The following BMPR1B variants were observed in gnomAD, a reference collection of about 807,000 sequenced individuals.
The protein encoded by BMPR1B is bone morphogenetic protein receptor type 1B.
Under a neutral mutation model 59.1 loss-of-function variants are expected in BMPR1B, and 12 were observed. The observed-to-expected ratio is 0.20, with a 90% CI of 0.13 to 0.33. BMPR1B has a LOEUF of 0.33. BMPR1B is among the 10% of genes least tolerant of loss of function. BMPR1B has a pLI of 1.00. For missense variants in BMPR1B, 550 were observed against 610.9 expected (o/e 0.90, Z 1.05); for synonymous variants, 237 against 207.3 (o/e 1.14, Z -1.23).
intron 3 of BMPR1B, among the ~76,000 whole-genome samples, chr4:95,055,133 G>A (rs1216468438): frequency 6.6e-6 from 1 of 152,032 alleles, no homozygotes; most frequent in African/African-American, 2.4e-5. Context: ...ATCAAAACCA[G>A]ACCCAAGTCT....
intron 1 of BMPR1B, among the ~76,000 whole-genome samples, chr4:94,847,635 C>T (rs779396528): frequency 6.6e-6 from 1 of 151,932 alleles, no homozygotes; most frequent in Non-Finnish European, 1.5e-5. Flanking sequence ...TCATTTGCAG[C>T]AACATAGGTG....
At chr4:95,018,597 T>TG in intron 3 of BMPR1B, among the ~76,000 whole-genome samples, 1 of 152,194 alleles carries the variant, frequency 6.6e-6, no homozygotes, top group South Asian at 2.1e-4. Flanking sequence ...TTAAGTATTT[T>TG]GCATCCCTGT....
chr4:95,156,282 G>A lies in BMPR1B; in HGVS notation c.*1609G>A, dbSNP rs1392968989. On this transcript the variant is annotated 3_prime_UTR_variant, in exon 13 of 13. Coordinates refer to ENST00000515059, the MANE Select transcript of BMPR1B (RefSeq NM_001203.3). ...TTTGCTTCTTAGAAATTCTGTTAGT[G>A]GTTAGTAAAGAATTTGAAAGTACTT... is the stretch of plus-strand genomic sequence containing the variant. 6.7e-6 allele frequency: 1 copy of A among 148,610 alleles called. No individual in the cohort carries two copies. 9.2% of individuals were successfully genotyped at this position (148,610 alleles called of 1,614,324 possible).
chr4:94,990,701 T>TTGC (rs908239162), intron 2 of BMPR1B, among the ~76,000 whole-genome samples: 1 of 152,056 alleles, frequency 6.6e-6, no homozygotes, highest in African/African-American at 2.4e-5. Flanking sequence ...GTTGTTGTTG[T>TTGC]TGTTTTTTAT....
At chr4:95,048,518 C>T (rs533581791) in intron 3 of BMPR1B, among the ~76,000 whole-genome samples, 113 of 152,270 alleles carry the variant, frequency 7.4e-4, no homozygotes, top group African/African-American at 2.4e-3. Context: ...GATGGTATTT[C>T]ACTATGGTTT....
chr4:94,885,318 A>T (rs1450952033), intron 2 of BMPR1B, among the ~76,000 whole-genome samples: 1 of 152,204 alleles, frequency 6.6e-6, no homozygotes, highest in African/African-American at 2.4e-5. Flanking sequence ...TGACTAAGTA[A>T]AAAGGAGCAA....
At chr4:94,828,255 T>C (rs1310372732) in intron 1 of BMPR1B, among the ~76,000 whole-genome samples, 1 of 152,182 alleles carries the variant, frequency 6.6e-6, no homozygotes, top group East Asian at 1.9e-4. Flanking sequence ...AAAAGTAGCA[T>C]TGCAAGAAAT....
rs951413071 is a variant in BMPR1B, at chr4:94,986,925, C to A, written c.-112-9115C>A. The stretch of plus-strand genomic sequence containing the variant: ...GCGTGGTGGCGGGTGCCTGTAGTCC[C>A]AGCTACTCGGGAGGCTGAGGCAGGA... On this transcript the variant is annotated intron_variant, in intron 2 of 12. Coordinates refer to ENST00000515059, the MANE Select transcript of BMPR1B (RefSeq NM_001203.3). Among the ~76,000 whole-genome samples the A allele has an allele frequency of 2.0e-5, 3 of 151,186 alleles. No individual in the cohort carries two copies. The South Asian group carries it at 6.2e-4, about 31-fold the overall frequency.
intron 3 of BMPR1B, among the ~76,000 whole-genome samples, chr4:95,002,901 T>G (rs1371318437): frequency 6.6e-6 from 1 of 152,090 alleles, no homozygotes; most frequent in East Asian, 1.9e-4. Context: ...GAATTTGAGT[T>G]ATTACCTTTT....
At chr4:94,940,741 A>G (rs1216626095) in intron 2 of BMPR1B, among the ~76,000 whole-genome samples, 1 of 152,176 alleles carries the variant, frequency 6.6e-6, no homozygotes, top group Non-Finnish European at 1.5e-5. Flanking sequence ...ATGTATTACC[A>G]AGCTCTATTA....
At chr4:95,123,373 A>G (rs1278461077) in intron 6 of BMPR1B, among the ~76,000 whole-genome samples, 1 of 152,124 alleles carries the variant, frequency 6.6e-6, no homozygotes, top group Admixed American at 6.6e-5. Flanking sequence ...GTTATGTTTT[A>G]TGTCCCATGA....
chr4:94,872,193 T>C (rs2148968675), intron 1 of BMPR1B, among the ~76,000 whole-genome samples: 1 of 152,314 alleles, frequency 6.6e-6, no homozygotes, highest in South Asian at 2.1e-4. Context: ...TTTTAAAATC[T>C]TTTAGCTTCT....
chr4:95,035,945 T>C (rs1725210834), intron 3 of BMPR1B, among the ~76,000 whole-genome samples: 1 of 152,214 alleles, frequency 6.6e-6, no homozygotes, highest in Non-Finnish European at 1.5e-5. Context: ...CTGTGTCATC[T>C]ATGATTTTTT....
At chr4:94,789,412 A>G (rs966244266) in intron 1 of BMPR1B, among the ~76,000 whole-genome samples, 3 of 152,150 alleles carry the variant, frequency 2.0e-5, no homozygotes, top group African/African-American at 4.8e-5. Context: ...CCTCATCTTC[A>G]AGGTTCTCAT....
chr4:94,868,269 A>G (rs1726329943), intron 1 of BMPR1B, among the ~76,000 whole-genome samples: 1 of 150,648 alleles, frequency 6.6e-6, no homozygotes, highest in Non-Finnish European at 1.5e-5. Flanking sequence ...CCCAGGCTCA[A>G]GTGATTCTCC....
intron 2 of BMPR1B, among the ~76,000 whole-genome samples, chr4:94,889,845 G>A (rs541924442): frequency 1.6e-4 from 24 of 152,100 alleles, no homozygotes; most frequent in Admixed American, 8.5e-4. Context: ...ACAAGATTTA[G>A]GAGGAGGAGG....
chr4:94,956,292 A>G (rs1444630178), intron 2 of BMPR1B, among the ~76,000 whole-genome samples: 1 of 151,978 alleles, frequency 6.6e-6, no homozygotes, highest in African/African-American at 2.4e-5. Flanking sequence ...CTGGTCTCAA[A>G]TTCCTGGCTT....
chr4:95,026,098 A>ATTTCTTTCTTTTCTTTC lies in BMPR1B; in HGVS notation c.-18+29975_-18+29976insTCTTTCTTTCTTTCTTT, dbSNP rs1724342718. On this transcript the variant is annotated intron_variant, in intron 3 of 12. Transcript: ENST00000515059. ...TTGGCTGGCTGGATTGCTTTCTTTC[A>ATTTCTTTCTTTTCTTTC]TTTCTTTCTTTCTTTCTTTCTTTCT... Among the ~76,000 whole-genome samples the ATTTCTTTCTTTTCTTTC allele has an allele frequency of 8.8e-5, 9 of 101,716 alleles. No individual in the cohort carries two copies. In the South Asian group the frequency reaches 1.9e-3, roughly 22 times the overall value. The allele number at this position is 101,716 out of a possible 152,430, so 66.7% of individuals were successfully genotyped here.
intron 1 of BMPR1B, among the ~76,000 whole-genome samples, chr4:94,768,463 C>A (rs1198909328): frequency 6.6e-6 from 1 of 152,238 alleles, no homozygotes; most frequent in East Asian, 1.9e-4. Flanking sequence ...TAGGAATGTT[C>A]ATTTGCATTC....
Sources: gnomAD v4.1 joint callset for allele counts (sites outside exome capture counted in the v4.1 genomes callset) on GRCh38, gnomAD v4.1.1 for gene constraint, MANE v1.5 for transcripts, NCBI Gene and HGNC (gene_info 2026-07-23, HGNC 2026-07-21) for gene names.